Variants in MYO18B observed in about 807,000 individuals in gnomAD.
The protein encoded by MYO18B is myosin XVIIIB, also known as unconventional myosin-XVIIIb.
Under a neutral mutation model 273.0 loss-of-function variants are expected in MYO18B, and 204 were observed. The observed-to-expected ratio is 0.75, with a 90% CI of 0.67 to 0.84. MYO18B has a LOEUF of 0.84. Ranked by LOEUF, MYO18B falls within the 40% of genes least tolerant of loss-of-function variation. The pLI, the probability that MYO18B is intolerant of heterozygous loss-of-function variation, is 0.00. For missense variants in MYO18B, 3,212 were observed against 3,287.6 expected (o/e 0.98, Z 0.56); for synonymous variants, 1,330 against 1,305.7 (o/e 1.02, Z -0.40).
the MYO18B span, among the ~76,000 whole-genome samples, chr22:26,060,891 A>G: frequency 9.8e-6 from 1 of 102,002 alleles, no homozygotes; most frequent in Non-Finnish European, 1.7e-5. Context: ...ATATACACAT[A>G]TACACACATA....
At chr22:26,052,733 G>A in the MYO18B span, among the ~76,000 whole-genome samples, 1 of 152,202 alleles carries the variant, frequency 6.6e-6, no homozygotes, top group East Asian at 1.9e-4. Context: ...CTACTGTATG[G>A]AAGGATAAGA....
intron 2 of MYO18B, 165 bp from the exon 3 acceptor site, chr22:25,763,066 T>C (rs2086379630): frequency 2.6e-6 from 2 of 762,720 alleles, no homozygotes; most frequent in Non-Finnish European, 4.8e-6. Context: ...GGGACCCCCC[T>C]GAGTCGTGCT....
At chr22:25,905,834 A>G (rs1239732727) in intron 31 of MYO18B, among the ~76,000 whole-genome samples, 3 of 152,180 alleles carry the variant, frequency 2.0e-5, no homozygotes, top group African/African-American at 7.2e-5. Flanking sequence ...AGAAGGTGGA[A>G]TATCTGTGTA....
chr22:25,849,026 C>G (rs191515534), intron 20 of MYO18B, among the ~76,000 whole-genome samples: 2 of 152,212 alleles, frequency 1.3e-5, no homozygotes, highest in East Asian at 3.9e-4. Context: ...CCCTCCCACC[C>G]GCACAGCCGC....
At chr22:26,047,188 G>A in the MYO18B span, among the ~76,000 whole-genome samples, 15 of 148,992 alleles carry the variant, frequency 1.0e-4, no homozygotes, top group Admixed American at 7.4e-4. Context: ...GTGTAGTGGC[G>A]TGATCTCGGC....
chr22:25,921,192 C>T (rs745439482), intron 33 of MYO18B, 65 bp from the exon 34 acceptor site: 19 of 1,481,884 alleles, frequency 1.3e-5, no homozygotes, highest in Middle Eastern at 1.8e-4. Flanking sequence ...AACCTGATTC[C>T]GGAAAACTTA....
At position 25,828,835 on chromosome 22, in the gene MYO18B, TC is replaced by T; in HGVS notation, c.2848del (p.Gln950ArgfsTer90). 6.2e-7 allele frequency: 1 copy of T among 1,613,936 alleles called. No homozygotes were observed. The highest frequency in any genetic ancestry group is 8.5e-7 in the Non-Finnish European group (1 of 1,179,884). On this transcript the variant is annotated frameshift_variant, in exon 15 of 44. Transcript: ENST00000335473. LOFTEE classifies it high-confidence loss of function. ...ASIMVVDSPG[F>X]QNPRHQGKDR... ...ATCATGGTGGTGGACTCTCCAGGCT[TC>T]CAGAACCCCCGGCACCAGGGCAAGG...
At position 25,955,218 on chromosome 22, in the gene MYO18B, G is replaced by T; in HGVS notation, c.6010G>T (p.Gly2004Trp). ...IRLRDSLIKM[G>W]EELSQAATSE... ...GCTTCGGGACAGCCTGATCAAGATGGGGGAGGAGCTTTCACAGGCGGCCAC... is the reference window on the plus strand; with the variant it reads ...GCTTCGGGACAGCCTGATCAAGATGTGGGAGGAGCTTTCACAGGCGGCCAC... Residue 2004 changes from glycine (G) to tryptophan (W), a missense_variant, in exon 39 of 44, where the codon GGG becomes TGG. Transcript: ENST00000335473. 1 of 1,613,078 alleles carries T rather than the reference G, an allele frequency of 6.2e-7. No homozygotes were observed. The highest frequency in any genetic ancestry group is 2.2e-5 in the East Asian group (1 of 44,862).
the MYO18B span, among the ~76,000 whole-genome samples, chr22:26,039,221 T>C: frequency 6.6e-6 from 1 of 152,164 alleles, no homozygotes. Context: ...GTTAATCTCC[T>C]TTGGCAACAC....
chr22:25,889,054 A>C (rs920822838), intron 25 of MYO18B, among the ~76,000 whole-genome samples: 1 of 150,568 alleles, frequency 6.6e-6, no homozygotes, highest in Non-Finnish European at 1.5e-5. Flanking sequence ...AGGAAAAAAA[A>C]AAAAATCTCA....
chr22:25,942,126 T>G (rs1569215823), intron 34 of MYO18B, among the ~76,000 whole-genome samples: 1 of 152,146 alleles, frequency 6.6e-6, no homozygotes, highest in Non-Finnish European at 1.5e-5. Context: ...CATCCCTATT[T>G]TATAGAGGAG....
At chr22:25,789,882 G>T (rs1023579046) in intron 11 of MYO18B, among the ~76,000 whole-genome samples, 4 of 152,176 alleles carry the variant, frequency 2.6e-5, no homozygotes, top group African/African-American at 4.8e-5. Context: ...GCCGGGCATG[G>T]TGGCTCATGC....
Position 25,755,825 on chromosome 22 carries a change from G to A in MYO18B, c.-109-5159G>A, listed in dbSNP as rs1006876129. Among the ~76,000 whole-genome samples, 17 of 152,110 alleles carry A rather than the reference G, an allele frequency of 1.1e-4. 1 individual carries two copies. The highest frequency in any genetic ancestry group is 3.4e-4 in the African/African-American group (14 of 41,410). ...CTGCGGTTATTGGAAGCTCCCTGAG[G>A]CCTCAGCAGATGCAGGTGCAGGTGC... On this transcript the variant is annotated intron_variant, in intron 1 of 43. Coordinates refer to ENST00000335473, the MANE Select transcript of MYO18B (RefSeq NM_032608.7).
chr22:25,918,752 G>T (rs2146429036), intron 33 of MYO18B, among the ~76,000 whole-genome samples: 1 of 152,274 alleles, frequency 6.6e-6, no homozygotes. Flanking sequence ...AGGCACTTTA[G>T]GATATATGCA....
chr22:25,857,535 G>A (rs558512241), intron 21 of MYO18B, among the ~76,000 whole-genome samples: 2 of 152,334 alleles, frequency 1.3e-5, no homozygotes, highest in Non-Finnish European at 2.9e-5. Flanking sequence ...GCCAGGGAGG[G>A]AGCTGTCTGC....
intron 34 of MYO18B, among the ~76,000 whole-genome samples, chr22:25,929,589 CCA>C: frequency 6.6e-6 from 1 of 152,300 alleles, no homozygotes; most frequent in East Asian, 1.9e-4. Context: ...TTTGTCTCTT[CCA>C]CAGAGGCAAT....
intron 40 of MYO18B, among the ~76,000 whole-genome samples, chr22:25,994,790 T>C (rs1409065430): frequency 6.6e-6 from 1 of 152,274 alleles, no homozygotes. Flanking sequence ...ATGCTTGGGC[T>C]GGCTTCTCCA....
At chr22:25,804,009 C>CACACAT (rs1279449305) in intron 12 of MYO18B, among the ~76,000 whole-genome samples, 3 of 148,212 alleles carry the variant, frequency 2.0e-5, no homozygotes, top group East Asian at 1.9e-4. Context: ...CACACACACA[C>CACACAT]ATATTTTATA....
At chr22:25,838,516 C>T (rs997697479) in intron 17 of MYO18B, among the ~76,000 whole-genome samples, 3 of 152,172 alleles carry the variant, frequency 2.0e-5, no homozygotes, top group African/African-American at 7.2e-5. Context: ...TTTCAGGCAA[C>T]GGACTGTGTA....
Sources: allele counts gnomAD v4.1 joint callset (sites outside exome capture counted in the v4.1 genomes callset), GRCh38; gene constraint gnomAD v4.1.1; transcripts MANE v1.5; gene names NCBI Gene and HGNC (gene_info 2026-07-23, HGNC 2026-07-21).